RHO: variants seen among roughly 807,000 people sequenced by gnomAD.
RHO encodes rhodopsin.
RHO carries 21 observed loss-of-function variants against 31.2 expected under a neutral mutation model. The ratio of observed to expected loss-of-function variants is 0.67; its 90% CI spans 0.48 to 0.97. The LOEUF is 0.97. Among genes scored for constraint, RHO ranks in the 50% least tolerant of loss-of-function variants. The pLI is 0.00. For synonymous variants in RHO, 211 were observed against 196.6 expected (o/e 1.07, Z -0.61); for missense variants, 414 against 479.5 (o/e 0.86, Z 1.28).
At chr3:129,529,688 C>A (rs2084764538) in intron 1 of RHO, among the ~76,000 whole-genome samples, 1 of 152,230 alleles carries the variant, frequency 6.6e-6, no homozygotes, top group African/African-American at 2.4e-5. Context: ...GCCCCTCCAG[C>A]CTCCCTGCCG....
rs1211979809 is a variant in RHO at position 129,534,020 on chromosome 3, G to C, written c.*302G>C. 1 of 374,198 alleles carries C rather than the reference G, an allele frequency of 2.7e-6. No homozygotes were observed. Among genetic ancestry groups the C allele is most frequent in the African/African-American group, 2.1e-5 (1 of 48,490 alleles). 23.2% of individuals were successfully genotyped at this position (374,198 alleles called of 1,614,324 possible). A position where few individuals can be genotyped will look rare whatever the true frequency, so the allele number is the denominator to read the frequency against. On this transcript the variant is annotated 3_prime_UTR_variant, in exon 5 of 5. Coordinates refer to ENST00000296271, the MANE Select transcript of RHO (RefSeq NM_000539.3). The stretch of plus-strand genomic sequence containing the variant: ...AGGAACACGAGGATTCTTGCTTTCT[G>C]GAAAAGTGTCCCAGCTTAGGGATAA...
chr3:129,533,685 C>T lies in RHO; in HGVS notation c.1014C>T (p.Ser338=), dbSNP rs144211117. ...ACGATGAGGCCTCTGCTACCGTGTC[C>T]AAGACGGAGACGAGCCAGGTGGCCC... The part of the protein sequence containing the change: ...LGDDEASATV[S]KTETSQVAPA Residue 338 remains serine, a synonymous_variant, in exon 5 of 5, where the codon TCC becomes TCT. Coordinates refer to ENST00000296271, the MANE Select transcript of RHO (RefSeq NM_000539.3). The T allele has an allele frequency of 4.3e-6, 7 of 1,613,940 alleles. No individual in the cohort carries two copies. Among genetic ancestry groups the T allele is most frequent in the Non-Finnish European group, 4.2e-6 (5 of 1,179,998 alleles).
chr3:129,531,086 T>G, intron 2 of RHO, 42 bp downstream of exon 2: 1 of 1,604,318 alleles, frequency 6.2e-7, no homozygotes, highest in African/African-American at 1.3e-5. Context: ...CGGGGGCTCT[T>G]TGTAGGGTCC....
rs780408367 is a variant in RHO at position 129,530,959 on chromosome 3, G to T, written c.445G>T (p.Gly149Trp). ...TAAGCCCATGAGCAACTTCCGCTTC[G>T]GGGAGAACCATGCCATCATGGGCGT... is the stretch of plus-strand genomic sequence containing the variant. ...VCKPMSNFRF[G>W]ENHAIMGVAF... The change falls in exon 2 of 5, where the codon GGG becomes TGG. Residue 149 changes from glycine to tryptophan, a missense_variant. Coordinates refer to ENST00000296271, the MANE Select transcript of RHO (RefSeq NM_000539.3). The T allele has an allele frequency of 6.2e-7, 1 of 1,614,254 alleles. No homozygotes were observed. Among genetic ancestry groups the T allele is most frequent in the Non-Finnish European group, 8.5e-7 (1 of 1,180,038 alleles).
At chr3:129,529,639 G>T (rs777559042) in intron 1 of RHO, among the ~76,000 whole-genome samples, 1 of 152,150 alleles carries the variant, frequency 6.6e-6, no homozygotes, top group Non-Finnish European at 1.5e-5. Flanking sequence ...GGTCCCCTCT[G>T]GCATCCTCTG....
At position 129,532,899 on chromosome 3, in the gene RHO, G is replaced by A; in HGVS notation, c.936+127G>A. 8.1e-7 allele frequency: 1 copy of A among 1,235,616 alleles called. No individual in the cohort carries two copies. Among genetic ancestry groups the A allele is most frequent in the Non-Finnish European group, 1.2e-6 (1 of 857,796 alleles). 76.5% of individuals were successfully genotyped at this position (1,235,616 alleles called of 1,614,324 possible). ...TACTGGCAGCAGTCTTGGGTCAGCAGTCCCAATGGGGAGTGTGTGAGAAAT... is the reference window on the plus strand; with the variant it reads ...TACTGGCAGCAGTCTTGGGTCAGCAATCCCAATGGGGAGTGTGTGAGAAAT... On this transcript the variant is annotated intron_variant, in intron 4 of 4. Coordinates refer to ENST00000296271, the MANE Select transcript of RHO (RefSeq NM_000539.3). This position sits in a 1 kb window ranked among gnomAD's most constrained non-coding sequence, Gnocchi z 5.5.
chr3:129,530,419 A>G (rs774967666), intron 1 of RHO, among the ~76,000 whole-genome samples: 28 of 151,550 alleles, frequency 1.8e-4, no homozygotes, highest in Non-Finnish European at 3.2e-4. Context: ...GAGAGGGAGG[A>G]AGGACTGCCA....
intron 1 of RHO, 25 bp downstream of exon 1, chr3:129,529,119 G>A (rs763422574): frequency 1.2e-6 from 2 of 1,604,526 alleles, no homozygotes; most frequent in South Asian, 2.2e-5. Context: ...TGGGTGGGGT[G>A]TGCAGGAGCC....
At position 129,534,780 on chromosome 3, in the gene RHO, A is replaced by G. The variant is rs2084810029; in HGVS notation, c.*1062A>G. ...TTTGCTCTAGCACCTGGGTCCCAGC[A>G]TCTAGAGCATGGAGCCTCTAGAAGC... is the stretch of plus-strand genomic sequence containing the variant. On this transcript the variant is annotated 3_prime_UTR_variant, in exon 5 of 5. Transcript: ENST00000296271. 1 of 152,632 alleles carries G rather than the reference A, an allele frequency of 6.6e-6. No homozygotes were observed. Among genetic ancestry groups the G allele is most frequent in the African/African-American group, 2.4e-5 (1 of 41,440 alleles). 9.5% of individuals were successfully genotyped at this position (152,632 alleles called of 1,614,324 possible).
At chr3:129,529,433 C>T (rs1252596172) in intron 1 of RHO, among the ~76,000 whole-genome samples, 1 of 152,250 alleles carries the variant, frequency 6.6e-6, no homozygotes, top group East Asian at 1.9e-4. Context: ...TGGAAGCCCG[C>T]ATCTATCTCG....
chr3:129,531,122 T>A, intron 2 of RHO, 78 bp downstream of exon 2: 1 of 1,550,046 alleles, frequency 6.5e-7, no homozygotes, highest in Non-Finnish European at 8.8e-7. Context: ...AACCCAGTAG[T>A]GTCTGGTTCC....
At chr3:129,531,196 G>A in intron 2 of RHO, 152 bp downstream of exon 2, 1 of 864,834 alleles carries the variant, frequency 1.2e-6, no homozygotes, top group South Asian at 1.5e-5. Context: ...TAGGGCAGAA[G>A]AAGAAACAGA....
chr3:129,530,884 G>A lies in RHO; in HGVS notation c.370G>A (p.Ala124Thr). The change falls in exon 2 of 5, where the codon GCC (alanine) becomes ACC (threonine). Residue 124 changes from alanine (A) to threonine (T), a missense_variant. Transcript: ENST00000296271. ...TGCTGACTGCCTTGCAGGTGAAATT[G>A]CCCTGTGGTCCTTGGTGGTCCTGGC... ...GFFATLGGEI[A>T]LWSLVVLAIE... The A allele has an allele frequency of 1.9e-6, 3 of 1,614,248 alleles. No homozygotes were observed. Among genetic ancestry groups the A allele is most frequent in the Non-Finnish European group, 2.5e-6 (3 of 1,180,050 alleles).
chr3:129,533,547 G>C (rs747418983), intron 4 of RHO, 61 bp from the exon 5 acceptor site: 33 of 1,240,482 alleles, frequency 2.7e-5, no homozygotes, highest in Non-Finnish European at 3.6e-5. Context: ...CCTCACTAAC[G>C]TGCCAGTTCC....
At position 129,528,720 on chromosome 3, in the gene RHO, C is replaced by T; in HGVS notation, c.-14C>T. On this transcript the variant is annotated 5_prime_UTR_variant, in exon 1 of 5. Transcript: ENST00000296271. The stretch of plus-strand genomic sequence containing the variant: ...GGTGGGAGCAGCCACGGGTCAGCCA[C>T]AAGGGCCACAGCCATGAATGGCACA... 1 of 1,614,106 alleles carries T rather than the reference C, an allele frequency of 6.2e-7. No homozygotes were observed. Among genetic ancestry groups the T allele is most frequent in the East Asian group, 2.2e-5 (1 of 44,876 alleles).
intron 1 of RHO, 84 bp from the exon 2 acceptor site, chr3:129,530,792 T>C: frequency 6.4e-7 from 1 of 1,570,990 alleles, no homozygotes; most frequent in Non-Finnish European, 8.8e-7. Flanking sequence ...GTTGCCTTCC[T>C]AGCTACCCTC....
At chr3:129,530,057 G>C (rs1181951167) in intron 1 of RHO, among the ~76,000 whole-genome samples, 1 of 152,222 alleles carries the variant, frequency 6.6e-6, no homozygotes, top group Non-Finnish European at 1.5e-5. Flanking sequence ...CCAGGCTGCT[G>C]CCTCGGTCCC....
intron 1 of RHO, among the ~76,000 whole-genome samples, chr3:129,529,701 T>G (rs551028346): frequency 1.3e-5 from 2 of 152,332 alleles, no homozygotes; most frequent in South Asian, 4.1e-4. Flanking sequence ...CCCTGCCGCG[T>G]TCCAAGTCTC....
rs1286665566 is a variant in RHO at position 129,532,400 on chromosome 3, T to C, written c.680T>C (p.Val227Ala). ...IIIFFCYGQL[V>A]FTVKEAAAQQ... ...ATCTTTTTCTGCTATGGGCAGCTCG[T>C]CTTCACCGTCAAGGAGGTACGGGCC... is the stretch of plus-strand genomic sequence containing the variant. Residue 227 changes from valine (V) to alanine (A), a missense_variant, in exon 3 of 5, where the codon GTC becomes GCC. Coordinates refer to ENST00000296271, the MANE Select transcript of RHO (RefSeq NM_000539.3). This position sits in a 1 kb window ranked among gnomAD's most constrained non-coding sequence, Gnocchi z 5.5. 6.2e-7 allele frequency: 1 copy of C among 1,614,058 alleles called. No homozygotes were observed. Among genetic ancestry groups the C allele is most frequent in the South Asian group, 1.1e-5 (1 of 91,084 alleles).
Sources: allele counts gnomAD v4.1 joint callset (sites outside exome capture counted in the v4.1 genomes callset), GRCh38; gene constraint gnomAD v4.1.1; non-coding constraint Gnocchi (gnomAD v3.1); transcripts MANE v1.5; gene names NCBI Gene and HGNC (gene_info 2026-07-23, HGNC 2026-07-21).